RASAL2: variants seen among roughly 807,000 people sequenced by gnomAD.
RASAL2 encodes the protein ras GTPase-activating protein nGAP.
A neutral mutation model predicts 128.9 loss-of-function variants in RASAL2; 58 were observed. That is an observed-to-expected ratio of 0.45 (90% confidence interval 0.36 to 0.56). The LOEUF (loss-of-function observed/expected upper bound fraction) is 0.56, where lower values mean the gene tolerates loss of function less well. Among genes scored for constraint, RASAL2 ranks in the 20% least tolerant of loss-of-function variants. The pLI is 0.00. For missense variants in RASAL2, 1,360 were observed against 1,601.6 expected, an observed-to-expected ratio of 0.85 and a Z score of 2.57; for synonymous variants, 561 against 580.8, an observed-to-expected ratio of 0.97 and a Z score of 0.49.
At chr1:178,295,644 A>G (rs1346205561) in intron 2 of RASAL2, among the ~76,000 whole-genome samples, 2 of 152,046 alleles carry the variant, frequency 1.3e-5, no homozygotes, top group Non-Finnish European at 2.9e-5. Flanking sequence ...TTGTTAAAAC[A>G]CAGATTGCCA....
Position 178,340,700 on chromosome 1 carries a change from A to T in RASAL2, c.457+40582A>T, listed in dbSNP as rs549096074. On this transcript the variant is annotated intron_variant, in intron 3 of 17. Coordinates refer to ENST00000367649, the MANE Select transcript of RASAL2 (RefSeq NM_170692.4). ...TCAATAAGTTAAAAAAATTTTGAGG[A>T]GGAAATCAGGCATCAGCTTCCAGGG... Among the ~76,000 whole-genome samples, 7 of 152,278 alleles carry T rather than the reference A, an allele frequency of 4.6e-5. No homozygotes were observed. The South Asian group carries it at 1.5e-3, about 32-fold the overall frequency.
At chr1:178,331,202 C>G (rs534543031) in intron 3 of RASAL2, among the ~76,000 whole-genome samples, 1 of 152,230 alleles carries the variant, frequency 6.6e-6, no homozygotes, top group South Asian at 2.1e-4. Flanking sequence ...TTTTTTAAGA[C>G]GGGGTTTTGC....
chr1:178,128,761 AT>A (rs1419785135), intron 1 of RASAL2, among the ~76,000 whole-genome samples: 1 of 152,134 alleles, frequency 6.6e-6, no homozygotes, highest in Non-Finnish European at 1.5e-5. Flanking sequence ...ATTTCTGGAC[AT>A]TTCAATACAT....
intron 1 of RASAL2, among the ~76,000 whole-genome samples, chr1:178,261,425 T>C (rs932043790): frequency 2.6e-5 from 4 of 152,188 alleles, no homozygotes; most frequent in African/African-American, 9.7e-5. Context: ...AACAATAATA[T>C]AATCACCCCA....
intron 1 of RASAL2, among the ~76,000 whole-genome samples, chr1:178,215,221 CTGGTCATGTAGCTAAGCTATA>C (rs1222908707): frequency 6.6e-6 from 1 of 152,188 alleles, no homozygotes; most frequent in Non-Finnish European, 1.5e-5. Flanking sequence ...TTTCTTGACT[CTGGTCATGTAGCTAAGCTATA>C]TTTCTTAGCC....
At chr1:178,438,102 TTGTGTGTGTGTGTG>T (rs58641965) in intron 5 of RASAL2, among the ~76,000 whole-genome samples, 14,056 of 142,126 alleles carry the variant, frequency 0.099, 660 homozygotes, top group Middle Eastern at 0.14. Context: ...AAATGGTGGC[TTGTGTGTGTGTGTG>T]TGTGTGTGTG....
intron 8 of RASAL2, among the ~76,000 whole-genome samples, chr1:178,445,239 C>T (rs1273700542): frequency 1.3e-5 from 2 of 151,702 alleles, no homozygotes; most frequent in East Asian, 3.9e-4. Context: ...AGGTACAAGG[C>T]TTGAAAGGTA....
chr1:178,262,340 A>G (rs1272504436), intron 1 of RASAL2, among the ~76,000 whole-genome samples: 1 of 151,960 alleles, frequency 6.6e-6, no homozygotes, highest in Non-Finnish European at 1.5e-5. Context: ...CATACAATTT[A>G]CAGATCCACA....
At chr1:178,247,564 C>G (rs1664825151) in intron 1 of RASAL2, among the ~76,000 whole-genome samples, 1 of 152,104 alleles carries the variant, frequency 6.6e-6, no homozygotes, top group South Asian at 2.1e-4. Flanking sequence ...GTGTCTCTAT[C>G]TCCTTCAGTT....
chr1:178,419,581 G>A (rs371003228), intron 4 of RASAL2, among the ~76,000 whole-genome samples: 1 of 152,158 alleles, frequency 6.6e-6, no homozygotes, highest in South Asian at 2.1e-4. Context: ...GAGCTACCGT[G>A]TCTGACTGAG....
At chr1:178,229,929 A>C (rs1571665508) in intron 1 of RASAL2, among the ~76,000 whole-genome samples, 1 of 152,168 alleles carries the variant, frequency 6.6e-6, no homozygotes, top group East Asian at 1.9e-4. Context: ...CCATCACCAA[A>C]AGCTTCCTGG....
intron 4 of RASAL2, among the ~76,000 whole-genome samples, chr1:178,413,022 TTTCCTTCCTTCC>T (rs148913731): frequency 1.3e-5 from 2 of 152,080 alleles, no homozygotes; most frequent in South Asian, 4.2e-4. Context: ...TTTCTCTTTC[TTTCCTTCCTTCC>T]TTCCTTCCGT....
At chr1:178,360,454 G>T (rs1040483396) in intron 3 of RASAL2, among the ~76,000 whole-genome samples, 1 of 152,218 alleles carries the variant, frequency 6.6e-6, no homozygotes, top group African/African-American at 2.4e-5. Flanking sequence ...CTTCAGAGGG[G>T]CCCATAGGAA....
rs58901015 is a variant in RASAL2 at position 178,285,103 on chromosome 1, CTTTTTTTTTTTTTT to C, written c.330+1427_330+1440del. On this transcript the variant is annotated intron_variant, in intron 2 of 17. Transcript: ENST00000367649. ...GTATTTTAATAGGCATTGCTACTTT[CTTTTTTTTTTTTTT>C]TTTTTTTTTTTTTTGAGACGGAGTC... Among the ~76,000 whole-genome samples, 28 of 81,934 alleles carry C rather than the reference CTTTTTTTTTTTTTT, an allele frequency of 3.4e-4. No individual in the cohort carries two copies. The South Asian group carries it at 4.8e-3, about 14-fold the overall frequency. 53.8% of individuals were successfully genotyped at this position (81,934 alleles called of 152,430 possible).
At chr1:178,113,571 C>T (rs1174944348) in intron 1 of RASAL2, among the ~76,000 whole-genome samples, 1 of 130,234 alleles carries the variant, frequency 7.7e-6, no homozygotes, top group Non-Finnish European at 1.6e-5. Context: ...TGTGTAGAGG[C>T]AGAGTCTTGC....
rs189030974 is a variant in RASAL2, at chr1:178,263,692, T to C, written c.203-19872T>C. On this transcript the variant is annotated intron_variant, in intron 1 of 17. Transcript: ENST00000367649. ...CTCTGAGCCTCCCTTTGCCAAACGT[T>C]TGTGGTTTGGTAACTTCTTCTCTAA... Among the ~76,000 whole-genome samples the C allele has an allele frequency of 9.6e-4, 146 of 152,186 alleles. 2 individuals are homozygous for C. Among genetic ancestry groups the C allele is most frequent in the South Asian group, 1.7e-3 (8 of 4,814 alleles).
At chr1:178,161,521 T>C (rs2101895065) in intron 1 of RASAL2, among the ~76,000 whole-genome samples, 1 of 152,342 alleles carries the variant, frequency 6.6e-6, no homozygotes, top group Admixed American at 6.5e-5. Flanking sequence ...CATCATTTGA[T>C]GGACATTTGG....
intron 1 of RASAL2, among the ~76,000 whole-genome samples, chr1:178,167,191 T>G (rs933045622): frequency 6.6e-6 from 1 of 152,148 alleles, no homozygotes; most frequent in Admixed American, 6.6e-5. Flanking sequence ...CTAGGTTTTG[T>G]GTCTTATGCT....
chr1:178,443,660 G>A (rs977949198), intron 8 of RASAL2, among the ~76,000 whole-genome samples: 1 of 152,142 alleles, frequency 6.6e-6, no homozygotes, highest in African/African-American at 2.4e-5. Context: ...AGCATATTGA[G>A]TATTAGCAAG....
Sources: allele counts gnomAD v4.1 joint callset (sites outside exome capture counted in the v4.1 genomes callset), GRCh38; gene constraint gnomAD v4.1.1; transcripts MANE v1.5; gene names NCBI Gene and HGNC (gene_info 2026-07-23, HGNC 2026-07-21).